The following ROBO1 variants were observed in gnomAD, a reference collection of about 807,000 sequenced individuals.
The protein encoded by ROBO1 is roundabout guidance receptor 1.
A neutral mutation model predicts 195.9 loss-of-function variants in ROBO1; 149 were observed. The ratio of observed to expected loss-of-function variants is 0.76; its 90% confidence interval spans 0.67 to 0.87. The LOEUF (loss-of-function observed/expected upper bound fraction) is 0.87, where lower values mean the gene tolerates loss of function less well. Ranked by LOEUF, ROBO1 falls within the 40% of genes least tolerant of loss-of-function variation. ROBO1 has a pLI of 0.00. For synonymous variants in ROBO1, 816 were observed against 733.2 expected (o/e 1.11, Z -1.82); for missense variants, 1,933 against 2,068.3 (o/e 0.93, Z 1.27).
rs1403518437 is a variant in ROBO1 at position 78,774,522 on chromosome 3, G to C, written c.500-27622C>G. Among the ~76,000 whole-genome samples the C allele has an allele frequency of 2.0e-5, 3 of 152,044 alleles. No homozygotes were observed. The East Asian group carries it at 5.8e-4, about 29-fold the overall frequency. On this transcript the variant is annotated intron_variant, in intron 4 of 30. Coordinates refer to ENST00000464233, the MANE Select transcript of ROBO1 (RefSeq NM_002941.4). ...AGACAGAGTTTCACTGTGTTAGCCA[G>C]GATGGTCTCGATCTCCTGACCTTGT...
At chr3:79,218,949 G>T (rs961733000) in intron 2 of ROBO1, among the ~76,000 whole-genome samples, 3 of 151,878 alleles carry the variant, frequency 2.0e-5, no homozygotes, top group African/African-American at 7.2e-5. Flanking sequence ...TTGTTTCCCA[G>T]GTGAGGGTTT....
chr3:78,798,073 A>T (rs1016042466), intron 4 of ROBO1, among the ~76,000 whole-genome samples: 1 of 152,200 alleles, frequency 6.6e-6, no homozygotes, highest in South Asian at 2.1e-4. Context: ...AGTATAAAGA[A>T]GATATTTTAT....
intron 2 of ROBO1, among the ~76,000 whole-genome samples, chr3:79,415,704 T>C (rs575231483): frequency 6.6e-6 from 1 of 152,244 alleles, no homozygotes; most frequent in South Asian, 2.1e-4. Context: ...AGTTAGAAAG[T>C]GTCAAAGTGG....
At chr3:79,647,432 C>G (rs1167444787) in intron 1 of ROBO1, among the ~76,000 whole-genome samples, 1 of 152,010 alleles carries the variant, frequency 6.6e-6, no homozygotes, top group Non-Finnish European at 1.5e-5. Context: ...AGAACATTAA[C>G]TACATGAGTA....
chr3:79,442,135 C>A (rs1234654754), intron 2 of ROBO1, among the ~76,000 whole-genome samples: 3 of 152,190 alleles, frequency 2.0e-5, no homozygotes, highest in Admixed American at 1.3e-4. Context: ...AGAAGACTGC[C>A]TTAAATGTAA....
intron 2 of ROBO1, among the ~76,000 whole-genome samples, chr3:79,486,646 C>A (rs769702512): frequency 1.3e-5 from 2 of 152,070 alleles, no homozygotes; most frequent in Admixed American, 1.3e-4. Flanking sequence ...GGTTGCCCAG[C>A]AAAATTTTTA....
intron 3 of ROBO1, among the ~76,000 whole-genome samples, chr3:79,005,068 A>G (rs2077589901): frequency 6.6e-6 from 1 of 152,194 alleles, no homozygotes; most frequent in South Asian, 2.1e-4. Flanking sequence ...AATAACGAAG[A>G]ATCCGTTATT....
At chr3:79,754,935 C>T (rs546827656) in intron 1 of ROBO1, among the ~76,000 whole-genome samples, 1 of 152,246 alleles carries the variant, frequency 6.6e-6, no homozygotes, top group South Asian at 2.1e-4. Context: ...GGCTGGAGTG[C>T]AATGGTGTGA....
intron 2 of ROBO1, among the ~76,000 whole-genome samples, chr3:79,255,714 G>A (rs1394910176): frequency 6.6e-6 from 1 of 152,106 alleles, no homozygotes; most frequent in Non-Finnish European, 1.5e-5. Context: ...TACGAAGGGC[G>A]ATTTCAGGGG....
chr3:79,519,403 G>T (rs1201687939), intron 2 of ROBO1, among the ~76,000 whole-genome samples: 1 of 151,978 alleles, frequency 6.6e-6, no homozygotes, highest in African/African-American at 2.4e-5. Flanking sequence ...GGCCGAAACG[G>T]GTGGATCACG....
chr3:78,630,037 C>A (rs114656808), intron 25 of ROBO1, among the ~76,000 whole-genome samples: 1 of 152,160 alleles, frequency 6.6e-6, no homozygotes, highest in African/African-American at 2.4e-5. Flanking sequence ...AGTGTTTCCA[C>A]GCCCTAGAAG....
rs1295882689 is a variant in ROBO1, at chr3:79,737,735, A to C, written c.-51+30017T>G. ...AGAAAGTAAGTGATTCATAAAAATCACCTGGCAGAGTTAAGCACAGGAAAC... is the reference window on the plus strand; with the variant it reads ...AGAAAGTAAGTGATTCATAAAAATCCCCTGGCAGAGTTAAGCACAGGAAAC... On this transcript the variant is annotated intron_variant, in intron 1 of 30. Transcript: ENST00000464233. Among the ~76,000 whole-genome samples, 3 of 152,140 alleles carry C rather than the reference A, an allele frequency of 2.0e-5. No individual in the cohort carries two copies. The East Asian group carries it at 5.8e-4, about 29-fold the overall frequency.
intron 3 of ROBO1, among the ~76,000 whole-genome samples, chr3:79,081,583 T>C (rs571104932): frequency 1.8e-4 from 28 of 152,156 alleles, no homozygotes; most frequent in Non-Finnish European, 3.7e-4. Flanking sequence ...CTGTGAACTG[T>C]AGAATATATG....
chr3:78,773,962 C>G (rs1012977403), intron 4 of ROBO1, among the ~76,000 whole-genome samples: 3 of 152,186 alleles, frequency 2.0e-5, no homozygotes, highest in African/African-American at 7.2e-5. Context: ...CAGTAAGGAG[C>G]TTAATAGATA....
intron 3 of ROBO1, among the ~76,000 whole-genome samples, chr3:78,971,492 A>G (rs527862951): frequency 1.3e-5 from 2 of 152,308 alleles, no homozygotes; most frequent in East Asian, 3.9e-4. Flanking sequence ...AACCTAAAAA[A>G]ATGACTGAGA....
chr3:79,192,166 T>C (rs989956763), intron 2 of ROBO1, among the ~76,000 whole-genome samples: 15 of 151,694 alleles, frequency 9.9e-5, no homozygotes, highest in African/African-American at 3.6e-4. Flanking sequence ...TTCTCAATTC[T>C]ATTAGTAGTA....
chr3:79,195,647 C>T (rs898384952), intron 2 of ROBO1, among the ~76,000 whole-genome samples: 3 of 151,492 alleles, frequency 2.0e-5, no homozygotes, highest in Admixed American at 2.0e-4. Context: ...GTATTGATAA[C>T]AAAATATAAA....
rs74461815 is a variant in ROBO1 at position 78,798,544 on chromosome 3, T to C, written c.500-51644A>G. Among the ~76,000 whole-genome samples, 369 of 152,342 alleles carry C rather than the reference T, an allele frequency of 2.4e-3. 3 individuals are homozygous for C. Among genetic ancestry groups the C allele is most frequent in the African/African-American group, 8.1e-3 (337 of 41,586 alleles). Reference sequence around the variant, plus strand: ...TATATGTGAACTCATTTTTAACTTGTGGATGCATGCATGCACACACATCTT... The same window carrying C: ...TATATGTGAACTCATTTTTAACTTGCGGATGCATGCATGCACACACATCTT... On this transcript the variant is annotated intron_variant, in intron 4 of 30. Transcript: ENST00000464233.
chr3:79,179,437 A>G (rs2081305770), intron 2 of ROBO1, among the ~76,000 whole-genome samples: 1 of 152,222 alleles, frequency 6.6e-6, no homozygotes, highest in Non-Finnish European at 1.5e-5. Flanking sequence ...ACTTTCCGGT[A>G]AGGATGAAGT....
Sources: gnomAD v4.1 joint callset for allele counts (sites outside exome capture counted in the v4.1 genomes callset) on GRCh38, gnomAD v4.1.1 for gene constraint, MANE v1.5 for transcripts, NCBI Gene and HGNC (gene_info 2026-07-23, HGNC 2026-07-21) for gene names.